TMPRSS4: variants seen among roughly 807,000 people sequenced by gnomAD.
TMPRSS4 encodes the protein transmembrane serine protease 4.
A neutral mutation model predicts 56.4 loss-of-function variants in TMPRSS4; 45 were observed. That is an observed-to-expected ratio of 0.80 (90% CI 0.63 to 1.02). The LOEUF (loss-of-function observed/expected upper bound fraction) is 1.02. TMPRSS4 is among the 50% of genes least tolerant of loss of function. The probability of loss-of-function intolerance (pLI) is 0.00; values close to 1 mark genes in which losing one functional copy is unlikely to be tolerated. For synonymous variants in TMPRSS4, 205 were observed against 211.0 expected (o/e 0.97, Z 0.25); for missense variants, 546 against 556.7 (o/e 0.98, Z 0.19).
intron 9 of TMPRSS4, among the ~76,000 whole-genome samples, chr11:118,114,108 A>G (rs1947421459): frequency 6.6e-6 from 1 of 152,196 alleles, no homozygotes; most frequent in African/African-American, 2.4e-5. Flanking sequence ...CATTTTTTAA[A>G]TTTATTTGAC....
At position 118,111,877 on chromosome 11, in the gene TMPRSS4, CCTCA is replaced by C. The variant is rs1459175115; in HGVS notation, c.722_725del (p.Leu241ArgfsTer53). 5 of 1,608,996 alleles carry C rather than the reference CCTCA, an allele frequency of 3.1e-6. No homozygotes were observed. Among genetic ancestry groups the C allele is most frequent in the Non-Finnish European group, 4.2e-6 (5 of 1,177,968 alleles). On this transcript the variant is annotated frameshift_variant, in exon 8 of 13. Transcript: ENST00000437212. LOFTEE classifies it high-confidence loss of function. ...GGAGCATCCTGGACCCCCACTGGGT[CCTCA>C]CGGCAGCCCACTGCTTCAGGTAAGA...
At position 118,107,872 on chromosome 11, in the gene TMPRSS4, G is replaced by A. The variant is rs764260181; in HGVS notation, c.539G>A (p.Ser180Asn). 1.9e-6 allele frequency: 3 copies of A among 1,613,802 alleles called. No homozygotes were observed. The highest frequency in any genetic ancestry group is 2.5e-6 in the Non-Finnish European group (3 of 1,179,912). ...CAGGAGCTTCGCATGCGGAACTCAA[G>A]TGGGTAAGTGAGGGGACACCTTCTG... is the stretch of plus-strand genomic sequence containing the variant. ...NSQELRMRNS[S>N]GPCLSGSLVS... Residue 180 changes from serine (S) to asparagine (N), a missense_variant, in exon 6 of 13, where the codon AGT becomes AAT. Ser to Asn is a conservative substitution (Grantham distance 46, BLOSUM62 1). Transcript: ENST00000437212.
intron 1 of TMPRSS4, among the ~76,000 whole-genome samples, chr11:118,080,948 A>G (rs536391281): frequency 1.1e-4 from 17 of 152,236 alleles, no homozygotes; most frequent in African/African-American, 3.9e-4. Flanking sequence ...ACTCCTCCAA[A>G]CCTAAAGTGC....
chr11:118,117,252 G>GC (rs1184923958), intron 11 of TMPRSS4, 53 bp from the exon 12 acceptor site: 18 of 1,594,306 alleles, frequency 1.1e-5, no homozygotes, highest in Middle Eastern at 2.1e-4. Flanking sequence ...AGAAGGAGAA[G>GC]CCCCCCCACC....
At position 118,113,284 on chromosome 11, in the gene TMPRSS4, G is replaced by A. The variant is rs757708803; in HGVS notation, c.759G>A (p.Val253=). ...AAHCFRKHTD[V]FNWKVRAGSD... is the part of the protein sequence containing the mutation. ...CTACCCCCAGGAAACATACCGATGT[G>A]TTCAACTGGAAGGTGCGGGCAGGCT... The change falls in exon 9 of 13, where the codon GTG becomes GTA. Residue 253 remains valine (V), a synonymous_variant. Transcript: ENST00000437212. 1.2e-6 allele frequency: 2 copies of A among 1,613,884 alleles called. No homozygotes were observed. Among genetic ancestry groups the A allele is most frequent in the African/African-American group, 2.7e-5 (2 of 74,892 alleles).
chr11:118,107,473 T>C (rs141479309), intron 5 of TMPRSS4: 1 of 250,782 alleles, frequency 4.0e-6, no homozygotes, highest in African/African-American at 2.2e-5. Context: ...GCTGGGAATA[T>C]GGAAAGGAGA....
chr11:118,096,603 T>C (rs993936308), intron 2 of TMPRSS4, among the ~76,000 whole-genome samples: 4 of 151,820 alleles, frequency 2.6e-5, no homozygotes, highest in African/African-American at 9.7e-5. Flanking sequence ...CTGGGTAACA[T>C]GGCAAAACCC....
chr11:118,077,330 A>G, intron 1 of TMPRSS4, 25 bp downstream of exon 1: 2 of 1,589,280 alleles, frequency 1.3e-6, no homozygotes, highest in East Asian at 2.3e-5. Flanking sequence ...CTCTGCTCCC[A>G]AGACACAGGA....
chr11:118,088,931 C>A (rs1245987968), intron 1 of TMPRSS4, among the ~76,000 whole-genome samples: 1 of 152,208 alleles, frequency 6.6e-6, no homozygotes, highest in African/African-American at 2.4e-5. Flanking sequence ...TTCAGCTTTG[C>A]ATCTTCTGAT....
Position 118,113,252 on chromosome 11 carries a change from G to T in TMPRSS4, c.744-17G>T. 1.2e-6 allele frequency: 2 copies of T among 1,611,820 alleles called. No individual in the cohort carries two copies. Among genetic ancestry groups the T allele is most frequent in the Non-Finnish European group, 1.7e-6 (2 of 1,178,632 alleles). ...CAGGCTTGGATCAGGCCTGAACCCA[G>T]CTGTCTCTACCCCCAGGAAACATAC... On this transcript the variant is annotated splice_polypyrimidine_tract_variant and intron_variant, in intron 8 of 12. Transcript: ENST00000437212.
At chr11:118,078,144 C>A (rs1944838999) in intron 1 of TMPRSS4, among the ~76,000 whole-genome samples, 1 of 151,860 alleles carries the variant, frequency 6.6e-6, no homozygotes, top group African/African-American at 2.4e-5. Context: ...CACCCTCTCT[C>A]CTCCTCCTCT....
chr11:118,105,914 T>G (rs1946967721), intron 5 of TMPRSS4: 1 of 152,242 alleles, frequency 6.6e-6, no homozygotes, highest in Non-Finnish European at 1.5e-5. Context: ...ATCAGAATTA[T>G]TTGCCTTTCT....
chr11:118,104,389 T>C (rs938759045), intron 4 of TMPRSS4, among the ~76,000 whole-genome samples: 4 of 152,024 alleles, frequency 2.6e-5, no homozygotes, highest in South Asian at 2.1e-4. Flanking sequence ...AGTGACCACA[T>C]AATTGATCAT....
At chr11:118,116,325 AGGCATCTCTT>A (rs1232403426) in intron 11 of TMPRSS4, among the ~76,000 whole-genome samples, 1 of 152,194 alleles carries the variant, frequency 6.6e-6, no homozygotes, top group Non-Finnish European at 1.5e-5. Context: ...TTCATTTAAG[AGGCATCTCTT>A]AGTCATCGCA....
chr11:118,086,009 G>A (rs920677561), intron 1 of TMPRSS4, among the ~76,000 whole-genome samples: 5 of 152,234 alleles, frequency 3.3e-5, no homozygotes, highest in Non-Finnish European at 5.9e-5. Flanking sequence ...GTAAACAGCA[G>A]CATCACCTGG....
intron 9 of TMPRSS4, 83 bp from the exon 10 acceptor site, chr11:118,114,746 A>T (rs1380131458): frequency 7.3e-7 from 1 of 1,378,210 alleles, no homozygotes. Context: ...CAAGATCCCC[A>T]TAATCATAAA....
chr11:118,099,090 T>C lies in TMPRSS4; in HGVS notation c.149T>C (p.Val50Ala), dbSNP rs1288883806. The C allele has an allele frequency of 6.2e-7, 1 of 1,613,516 alleles. No homozygotes were observed. The highest frequency in any genetic ancestry group is 1.3e-5 in the African/African-American group (1 of 74,858). ...LLSLASIIIV[V>A]VLIKVILDKY... is the part of the protein sequence containing the mutation. ...AGCCTGGCGAGTATCATCATTGTGGTTGTCCTCAGTAAGTGACAGCCCGTA... is the reference window on the plus strand; with the variant it reads ...AGCCTGGCGAGTATCATCATTGTGGCTGTCCTCAGTAAGTGACAGCCCGTA... The change falls in exon 3 of 13, where the codon GTT becomes GCT. Residue 50 changes from valine (V) to alanine (A), a missense_variant. Val to Ala is a moderately conservative substitution (Grantham distance 64, BLOSUM62 0). Coordinates refer to ENST00000437212, the MANE Select transcript of TMPRSS4 (RefSeq NM_019894.4).
At chr11:118,112,814 T>C (rs1040322279) in intron 8 of TMPRSS4, among the ~76,000 whole-genome samples, 4 of 142,658 alleles carry the variant, frequency 2.8e-5, no homozygotes, top group Non-Finnish European at 6.0e-5. Flanking sequence ...AGGCCAGCGT[T>C]TTTTAACCAC....
chr11:118,090,992 C>T (rs768563329), intron 1 of TMPRSS4, among the ~76,000 whole-genome samples: 1 of 152,108 alleles, frequency 6.6e-6, no homozygotes, highest in Non-Finnish European at 1.5e-5. Context: ...TAACAATAAA[C>T]AAAAGAAACT....
Sources: gnomAD v4.1 joint callset for allele counts (sites outside exome capture counted in the v4.1 genomes callset) on GRCh38, gnomAD v4.1.1 for gene constraint, MANE v1.5 for transcripts, NCBI Gene and HGNC (gene_info 2026-07-23, HGNC 2026-07-21) for gene names.